Variants in CSMD3 observed in about 807,000 individuals in gnomAD.
CSMD3 encodes CUB and Sushi multiple domains 3, also known as CUB and sushi domain-containing protein 3.
CSMD3 carries 177 observed loss-of-function variants against 435.2 expected under a neutral mutation model. The ratio of observed to expected loss-of-function variants is 0.41; its 90% confidence interval spans 0.36 to 0.46. CSMD3 has a LOEUF of 0.46. Ranked by LOEUF, CSMD3 falls within the 20% of genes least tolerant of loss-of-function variation. The probability of loss-of-function intolerance (pLI) is 0.34; values close to 1 mark genes in which losing one functional copy is unlikely to be tolerated. For synonymous variants in CSMD3, 1,656 were observed against 1,520.5 expected, an observed-to-expected ratio of 1.09 and a Z score of -2.07; for missense variants, 4,265 against 4,504.6, an observed-to-expected ratio of 0.95 and a Z score of 1.52.
At chr8:112,235,763 A>C (rs545541747) in intron 67 of CSMD3, among the ~76,000 whole-genome samples, 3 of 152,284 alleles carry the variant, frequency 2.0e-5, no homozygotes, top group African/African-American at 7.2e-5. Flanking sequence ...AATTATAATC[A>C]ATAGGAGGAA....
chr8:112,724,131 A>G (rs2076917689), intron 13 of CSMD3, among the ~76,000 whole-genome samples: 1 of 152,060 alleles, frequency 6.6e-6, no homozygotes, highest in South Asian at 2.1e-4. Flanking sequence ...AGAGGTGAAT[A>G]GGTTCCAATT....
chr8:112,244,239 TC>T (rs1814468426), intron 65 of CSMD3, among the ~76,000 whole-genome samples, 154 bp downstream of exon 65: 1 of 152,168 alleles, frequency 6.6e-6, no homozygotes, highest in Admixed American at 6.6e-5. Flanking sequence ...TTTATATGCC[TC>T]TGGATCCAGA....
intron 10 of CSMD3, among the ~76,000 whole-genome samples, chr8:112,881,677 G>T (rs1039543049): frequency 6.6e-6 from 1 of 151,908 alleles, no homozygotes; most frequent in Admixed American, 6.6e-5. Flanking sequence ...ATAGCCAACC[G>T]TTTCCCAAAA....
At chr8:112,822,994 G>T (rs1377022030) in intron 12 of CSMD3, among the ~76,000 whole-genome samples, 5 of 152,154 alleles carry the variant, frequency 3.3e-5, no homozygotes, top group Non-Finnish European at 5.9e-5. Flanking sequence ...TGACTCGATT[G>T]TGGGGGATAA....
chr8:112,754,774 G>A (rs1162711083), intron 13 of CSMD3, among the ~76,000 whole-genome samples: 2 of 152,122 alleles, frequency 1.3e-5, no homozygotes, highest in Admixed American at 1.3e-4. Flanking sequence ...CCCTAAACCT[G>A]TCTGTCCCGT....
At chr8:112,546,337 G>T in intron 27 of CSMD3, among the ~76,000 whole-genome samples, 1 of 152,134 alleles carries the variant, frequency 6.6e-6, no homozygotes, top group East Asian at 1.9e-4. Context: ...GAAAAGTTTT[G>T]CTGGAGGGAT....
At chr8:112,616,379 T>C (rs1045360104) in intron 22 of CSMD3, among the ~76,000 whole-genome samples, 52 of 152,264 alleles carry the variant, frequency 3.4e-4, no homozygotes, top group African/African-American at 1.2e-3. Flanking sequence ...CATATATAGC[T>C]TGAAAGTTAC....
chr8:113,131,679 C>T (rs1169781208), intron 4 of CSMD3, among the ~76,000 whole-genome samples: 1 of 152,174 alleles, frequency 6.6e-6, no homozygotes, highest in East Asian at 1.9e-4. Flanking sequence ...AGAGTCCCCA[C>T]TGGGGCACTG....
intron 10 of CSMD3, among the ~76,000 whole-genome samples, chr8:112,897,694 C>CTCTGTGTGTGTG: frequency 1.1e-5 from 1 of 91,040 alleles, no homozygotes; most frequent in African/African-American, 4.4e-5. Flanking sequence ...CTCTCTCTCT[C>CTCTGTGTGTGTG]TGTGTGTGTG....
chr8:113,131,006 C>T (rs1382668183), intron 4 of CSMD3, among the ~76,000 whole-genome samples: 1 of 152,116 alleles, frequency 6.6e-6, no homozygotes, highest in Non-Finnish European at 1.5e-5. Flanking sequence ...GAAGAAATTT[C>T]TAAGGAGCAA....
rs2130853979 is a variant in CSMD3, at chr8:112,492,626, C to T, written c.5141G>A (p.Gly1714Glu). 1 of 1,613,888 alleles carries T rather than the reference C, an allele frequency of 6.2e-7. No individual in the cohort carries two copies. The highest frequency in any genetic ancestry group is 8.5e-7 in the Non-Finnish European group (1 of 1,179,836). Reference sequence around the variant, plus strand: ...TGTTGACCCTAATTTATAATCCATTCCAAGTCTGGTGCCATTCATTATATT... The same window carrying T: ...TGTTGACCCTAATTTATAATCCATTTCAAGTCTGGTGCCATTCATTATATT... ...PGNIMNGTRL[G>E]MDYKLGSTVT... Residue 1714 changes from glycine (G) to glutamate (E), a missense_variant, in exon 31 of 71, where the codon GGA becomes GAA. Around this residue, in one of 3 missense-constraint regions of CSMD3, gnomAD observed 3,255 missense variants for 3,380.2 expected, o/e 0.96. Coordinates refer to ENST00000297405, the MANE Select transcript of CSMD3 (RefSeq NM_198123.2).
At chr8:113,214,002 G>A (rs557334339) in intron 3 of CSMD3, among the ~76,000 whole-genome samples, 8 of 152,070 alleles carry the variant, frequency 5.3e-5, no homozygotes, top group Admixed American at 5.3e-4. Context: ...AGCATACAAG[G>A]AAATCTAAAC....
chr8:112,797,891 C>A (rs2078865627), intron 13 of CSMD3, among the ~76,000 whole-genome samples: 1 of 151,636 alleles, frequency 6.6e-6, no homozygotes, highest in Non-Finnish European at 1.5e-5. Context: ...TTAGTATTAC[C>A]TAATTTATAT....
intron 32 of CSMD3, among the ~76,000 whole-genome samples, chr8:112,419,186 A>G (rs1812219386): frequency 6.6e-6 from 1 of 151,948 alleles, no homozygotes; most frequent in South Asian, 2.1e-4. Context: ...ATCATAGTAC[A>G]ATAGCAGTAA....
At chr8:112,956,842 A>G (rs1175825861) in intron 7 of CSMD3, among the ~76,000 whole-genome samples, 1 of 152,070 alleles carries the variant, frequency 6.6e-6, no homozygotes, top group East Asian at 1.9e-4. Flanking sequence ...CTATATGTCA[A>G]TTTATCTTTA....
chr8:112,322,501 C>G (rs991471420), intron 45 of CSMD3, among the ~76,000 whole-genome samples: 1 of 152,012 alleles, frequency 6.6e-6, no homozygotes, highest in Non-Finnish European at 1.5e-5. Flanking sequence ...TCCTTAACTT[C>G]CAACTCTACT....
chr8:112,634,898 C>CA (rs372234370), intron 22 of CSMD3, among the ~76,000 whole-genome samples: 38 of 151,772 alleles, frequency 2.5e-4, no homozygotes, highest in African/African-American at 8.7e-4. Context: ...CAGATCACTA[C>CA]AAAAAAATCA....
intron 3 of CSMD3, among the ~76,000 whole-genome samples, chr8:113,184,383 C>T (rs1228527153): frequency 6.6e-6 from 1 of 151,886 alleles, no homozygotes; most frequent in East Asian, 2.0e-4. Context: ...CCTTGAAGGC[C>T]GAAAATCTCA....
intron 13 of CSMD3, among the ~76,000 whole-genome samples, chr8:112,711,790 GTCAC>G (rs1402088499): frequency 1.3e-5 from 2 of 151,954 alleles, no homozygotes; most frequent in Non-Finnish European, 2.9e-5. Flanking sequence ...GTCTTGCTTT[GTCAC>G]TCAGGCTGGA....
Sources: gnomAD v4.1 joint callset for allele counts (sites outside exome capture counted in the v4.1 genomes callset) on GRCh38, gnomAD v4.1.1 for gene constraint, gnomAD v4.1.1 regional missense constraint, MANE v1.5 for transcripts, NCBI Gene and HGNC (gene_info 2026-07-23, HGNC 2026-07-21) for gene names.